NUDT1: variants seen among roughly 807,000 people sequenced by gnomAD.
NUDT1 encodes the protein nudix hydrolase 1.
In NUDT1, 16 loss-of-function variants were observed where a neutral mutation model predicts 11.3. The observed-to-expected ratio is 1.41, with a 90% CI of 0.96 to 2.15. The LOEUF (loss-of-function observed/expected upper bound fraction) is 2.15. NUDT1 is among the 30% of genes most tolerant of loss of function. The pLI is 0.00. For missense variants in NUDT1, 234 were observed against 208.4 expected (o/e 1.12, Z -0.76); for synonymous variants, 101 against 84.4 (o/e 1.20, Z -1.08).
intron 3 of NUDT1, among the ~76,000 whole-genome samples, chr7:2,250,426 C>T (rs985874604): frequency 6.7e-6 from 1 of 149,368 alleles, no homozygotes; most frequent in Admixed American, 6.8e-5. Flanking sequence ...ACAGTGAGAC[C>T]CCATCTCTAC....
chr7:2,242,334 T>A (rs1794576865), intron 1 of NUDT1, 78 bp downstream of exon 1: 1 of 627,296 alleles, frequency 1.6e-6, no homozygotes, highest in East Asian at 3.4e-5. Context: ...GGCAGGAGAC[T>A]AGGGGAGCTG....
At chr7:2,242,457 A>C in intron 1 of NUDT1, 26 of 481,806 alleles carry the variant, frequency 5.4e-5, no homozygotes, top group Non-Finnish European at 7.3e-5. Flanking sequence ...GAGAGAGACA[A>C]GGAGAGCGGG....
At chr7:2,243,139 G>C in intron 1 of NUDT1, 1 of 627,060 alleles carries the variant, frequency 1.6e-6, no homozygotes, top group Non-Finnish European at 2.9e-6. Context: ...TTGATGGCCT[G>C]CTGGTGCCTG....
chr7:2,243,081 G>C, intron 1 of NUDT1: 1 of 710,686 alleles, frequency 1.4e-6, no homozygotes, highest in Non-Finnish European at 2.6e-6. Flanking sequence ...CTGCTGAGCA[G>C]CCTGGGCTCT....
intron 2 of NUDT1, among the ~76,000 whole-genome samples, chr7:2,247,193 G>A (rs572077521): frequency 3.3e-5 from 5 of 152,252 alleles, no homozygotes; most frequent in East Asian, 3.9e-4. Flanking sequence ...AGGGAGGAGC[G>A]TCGGCAGCCC....
chr7:2,244,485 T>G, intron 1 of NUDT1, 78 bp from the exon 2 acceptor site: 9 of 943,216 alleles, frequency 9.5e-6, no homozygotes, highest in East Asian at 3.2e-5. Context: ...CCAGAGCACG[T>G]CCCCTTCCTC....
At chr7:2,244,274 T>C (rs1245869421) in intron 1 of NUDT1, among the ~76,000 whole-genome samples, 1 of 152,106 alleles carries the variant, frequency 6.6e-6, no homozygotes, top group Non-Finnish European at 1.5e-5. Flanking sequence ...GGTGATGTTG[T>C]CCTCTGCACC....
chr7:2,250,184 C>A (rs1329292015), intron 3 of NUDT1, among the ~76,000 whole-genome samples, 182 bp downstream of exon 3: 2 of 152,248 alleles, frequency 1.3e-5, no homozygotes, highest in African/African-American at 4.8e-5. Context: ...GCTCCAGTAG[C>A]GTACCTGCCC....
At chr7:2,249,813 C>A in intron 2 of NUDT1, 44 bp from the exon 3 acceptor site, 1 of 1,606,842 alleles carries the variant, frequency 6.2e-7, no homozygotes, top group Non-Finnish European at 8.5e-7. Context: ...GGGCATGGCA[C>A]CATGCCCTGA....
intron 1 of NUDT1, chr7:2,242,778 C>A: frequency 1.7e-6 from 1 of 595,994 alleles, no homozygotes; most frequent in Middle Eastern, 4.5e-4. Flanking sequence ...ACGGCAGTGT[C>A]TAGGGGTGAA....
chr7:2,243,113 C>T (rs1012134244), intron 1 of NUDT1: 3 of 670,944 alleles, frequency 4.5e-6, no homozygotes, highest in Non-Finnish European at 8.3e-6. Context: ...CCCTGCCAAA[C>T]TCATGGTTCC....
intron 3 of NUDT1, among the ~76,000 whole-genome samples, chr7:2,250,288 A>AG (rs1055847645): frequency 4.2e-5 from 6 of 143,084 alleles, no homozygotes; most frequent in African/African-American, 9.1e-5. Context: ...TGAACTCCTC[A>AG]GAGAGTCAGT....
At chr7:2,249,553 G>T (rs1413679215) in intron 2 of NUDT1, 7 of 453,596 alleles carry the variant, frequency 1.5e-5, no homozygotes, top group Non-Finnish European at 2.9e-5. Flanking sequence ...GGCCTGGGCT[G>T]TCACTGGTAC....
intron 2 of NUDT1, among the ~76,000 whole-genome samples, chr7:2,245,247 A>G (rs544516978): frequency 6.6e-6 from 1 of 152,326 alleles, no homozygotes; most frequent in South Asian, 2.1e-4. Context: ...AAGATCACAC[A>G]GTCCTCCAGA....
Position 2,244,629 on chromosome 7 carries a change from C to A in NUDT1, c.55C>A (p.Leu19Ile). 6.2e-7 allele frequency: 1 copy of A among 1,613,836 alleles called. No homozygotes were observed. The change falls in exon 2 of 4, where the codon CTC (leucine) becomes ATC (isoleucine). Residue 19 changes from leucine (L) to isoleucine (I), a missense_variant. By Grantham distance (5) the Leu-to-Ile change is conservative. Coordinates refer to ENST00000356714, the MANE Select transcript of NUDT1 (RefSeq NM_002452.4). ...GCTGGTCCTGCAGCCTCAGCGAGTT[C>A]TCCTGGGCATGAAAAAGCGAGGCTT... ...LVLVLQPQRV[L>I]LGMKKRGFGA...
chr7:2,251,098 C>T lies in NUDT1; in HGVS notation c.*97C>T, dbSNP rs895318232. 9.5e-6 allele frequency: 11 copies of T among 1,156,450 alleles called. No individual in the cohort carries two copies. Among genetic ancestry groups the T allele is most frequent in the East Asian group, 5.0e-5 (2 of 40,234 alleles). The allele number at this position is 1,156,450 out of a possible 1,614,324, so 71.6% of individuals were successfully genotyped here. ...CATTGAGTGGCGCAGAGCCGGGTTTCATCTGGAATTAACTGGATGGAAGGG... is the reference window on the plus strand; with the variant it reads ...CATTGAGTGGCGCAGAGCCGGGTTTTATCTGGAATTAACTGGATGGAAGGG... On this transcript the variant is annotated 3_prime_UTR_variant, in exon 4 of 4. Coordinates refer to ENST00000356714, the MANE Select transcript of NUDT1 (RefSeq NM_002452.4).
At chr7:2,242,454 A>ACAAGGAGAGCGGGGCGGAGG in intron 1 of NUDT1, 198 bp downstream of exon 1, 2 of 494,164 alleles carry the variant, frequency 4.0e-6, no homozygotes, top group East Asian at 7.1e-5. Flanking sequence ...TGGGAGAGAG[A>ACAAGGAGAGCGGGGCGGAGG]CAAGGAGAGC....
Position 2,242,247 on chromosome 7 carries a change from G to C in NUDT1, c.-22G>C. The stretch of plus-strand genomic sequence containing the variant: ...GGTCAGAGGCCACGCCCCCGGAAGC[G>C]GCGGTGCAGGTACGAAAAGCGCGCG... On this transcript the variant is annotated 5_prime_UTR_variant, in exon 1 of 4. Coordinates refer to ENST00000356714, the MANE Select transcript of NUDT1 (RefSeq NM_002452.4). 2 of 1,434,402 alleles carry C rather than the reference G, an allele frequency of 1.4e-6. No homozygotes were observed. The highest frequency in any genetic ancestry group is 4.6e-5 in the Admixed American group (2 of 43,544). 88.9% of individuals were successfully genotyped at this position (1,434,402 alleles called of 1,614,324 possible). A position where few individuals can be genotyped will look rare whatever the true frequency, so the allele number is the denominator to read the frequency against.
intron 3 of NUDT1, among the ~76,000 whole-genome samples, chr7:2,250,499 C>T (rs1341493235): frequency 3.9e-5 from 6 of 152,232 alleles, no homozygotes; most frequent in Admixed American, 3.3e-4. Flanking sequence ...GCTCTGTCGC[C>T]CAGGCTGGAG....
Sources: gnomAD v4.1 joint callset for allele counts (sites outside exome capture counted in the v4.1 genomes callset) on GRCh38, gnomAD v4.1.1 for gene constraint, MANE v1.5 for transcripts, NCBI Gene and HGNC (gene_info 2026-07-23, HGNC 2026-07-21) for gene names.